Variants in FBXW7 observed in about 807,000 individuals in gnomAD.
FBXW7 encodes F-box/WD repeat-containing protein 7.
A neutral mutation model predicts 86.3 loss-of-function variants in FBXW7; 11 were observed. The ratio of observed to expected loss-of-function variants is 0.13; its 90% CI spans 0.08 to 0.21. FBXW7 has a LOEUF of 0.21. Ranked by LOEUF, FBXW7 falls within the 10% of genes least tolerant of loss-of-function variation. The probability of loss-of-function intolerance (pLI) is 1.00; values close to 1 mark genes in which losing one functional copy is unlikely to be tolerated. For synonymous variants in FBXW7, 313 were observed against 297.9 expected (o/e 1.05, Z -0.52); for missense variants, 488 against 847.4 (o/e 0.58, Z 5.27).
intron 2 of FBXW7, among the ~76,000 whole-genome samples, chr4:152,448,004 T>C (rs934537400): frequency 6.6e-6 from 1 of 152,172 alleles, no homozygotes; most frequent in African/African-American, 2.4e-5. Context: ...TGAAATAATA[T>C]ATAATCTCTA....
intron 2 of FBXW7, among the ~76,000 whole-genome samples, chr4:152,487,773 T>C (rs1387418298): frequency 1.3e-5 from 2 of 152,068 alleles, no homozygotes; most frequent in Non-Finnish European, 2.9e-5. Flanking sequence ...TGAAGTATCA[T>C]TTAAAATTGT....
At position 152,486,067 on chromosome 4, in the gene FBXW7, G is replaced by A. The variant is rs141276718; in HGVS notation, c.-120+48874C>T. 4.7e-4 allele frequency among the ~76,000 whole-genome samples: 71 copies of A among 152,154 alleles called. No homozygotes were observed. In the East Asian group the frequency reaches 0.012, roughly 26 times the overall value. ...TACTGCCTGGTAACTGTAACATGGT[G>A]CGTCTGAGAATATCTAGACATAGAA... On this transcript the variant is annotated intron_variant, in intron 2 of 13. Transcript: ENST00000281708.
intron 2 of FBXW7, among the ~76,000 whole-genome samples, chr4:152,471,458 AG>A (rs1177567399): frequency 1.9e-4 from 22 of 117,154 alleles, no homozygotes; most frequent in Non-Finnish European, 3.6e-4. Context: ...AGAAGGAAGG[AG>A]GGAAGGAAGG....
chr4:152,505,743 A>ATT (rs763132391), intron 2 of FBXW7, among the ~76,000 whole-genome samples: 10,275 of 141,988 alleles, frequency 0.072, 441 homozygotes, highest in Non-Finnish European at 0.1. Flanking sequence ...CTGTTTTGCA[A>ATT]TTTTTTTTTT....
chr4:152,499,071 T>C (rs1746657142), intron 2 of FBXW7, among the ~76,000 whole-genome samples: 1 of 152,116 alleles, frequency 6.6e-6, no homozygotes, highest in South Asian at 2.1e-4. Context: ...AACTGAAGAA[T>C]CCACTTGGAG....
intron 4 of FBXW7, among the ~76,000 whole-genome samples, chr4:152,381,727 GA>G (rs1306748232): frequency 6.6e-6 from 1 of 151,982 alleles, no homozygotes; most frequent in Admixed American, 6.6e-5. Flanking sequence ...TATTAAGTTT[GA>G]ATGTAAGGAA....
chr4:152,444,869 C>T (rs1009524087), intron 2 of FBXW7, among the ~76,000 whole-genome samples: 3 of 152,190 alleles, frequency 2.0e-5, no homozygotes, highest in Non-Finnish European at 4.4e-5. Context: ...TCTCACTCTG[C>T]TGTCCAGGCT....
At chr4:152,521,131 G>C (rs1748976053) in intron 2 of FBXW7, among the ~76,000 whole-genome samples, 1 of 152,110 alleles carries the variant, frequency 6.6e-6, no homozygotes, top group South Asian at 2.1e-4. Flanking sequence ...TGGGGGAGCA[G>C]GTGTTGACTA....
At chr4:152,352,961 C>T in intron 4 of FBXW7, 2 of 1,386,806 alleles carry the variant, frequency 1.4e-6, no homozygotes, top group Non-Finnish European at 1.9e-6. Context: ...CCCGTAAGAA[C>T]ACAACGCACT....
chr4:152,477,754 T>C (rs1305665171), intron 2 of FBXW7, among the ~76,000 whole-genome samples: 1 of 152,150 alleles, frequency 6.6e-6, no homozygotes, highest in Admixed American at 6.6e-5. Context: ...CTAGGAAACA[T>C]GACACCTTTT....
chr4:152,465,570 C>G (rs532204014), intron 2 of FBXW7, among the ~76,000 whole-genome samples: 1 of 152,012 alleles, frequency 6.6e-6, no homozygotes, highest in South Asian at 2.1e-4. Context: ...TCTGGCCAGG[C>G]GCGGTGGCTC....
At chr4:152,493,395 C>T (rs532377385) in intron 2 of FBXW7, among the ~76,000 whole-genome samples, 53 of 152,216 alleles carry the variant, frequency 3.5e-4, no homozygotes, top group African/African-American at 1.3e-3. Flanking sequence ...GAACTCCTGA[C>T]CTCAGGTGAT....
chr4:152,346,849 CTTCT>C, intron 6 of FBXW7, 77 bp downstream of exon 6: 2 of 1,564,120 alleles, frequency 1.3e-6, no homozygotes, highest in Non-Finnish European at 1.7e-6. Flanking sequence ...ACAGTGTTTC[CTTCT>C]TTTTTTACGG....
chr4:152,338,157 T>G, intron 6 of FBXW7: 1 of 354,768 alleles, frequency 2.8e-6, no homozygotes, highest in Non-Finnish European at 5.0e-6. Flanking sequence ...AAAAAAAACA[T>G]GTTTGACAGA....
At chr4:152,338,126 C>A (rs1328222688) in intron 6 of FBXW7, 190 bp from the exon 7 acceptor site, 4 of 394,158 alleles carry the variant, frequency 1.0e-5, no homozygotes, top group Admixed American at 4.3e-5. Flanking sequence ...TTACCAACAA[C>A]TTTTATTTCG....
At chr4:152,368,143 A>G (rs1016827414) in intron 4 of FBXW7, among the ~76,000 whole-genome samples, 1 of 151,996 alleles carries the variant, frequency 6.6e-6, no homozygotes, top group Non-Finnish European at 1.5e-5. Flanking sequence ...ATCTGCCAGC[A>G]CCCCATCTGC....
At chr4:152,529,964 G>A (rs1275835139) in intron 2 of FBXW7, among the ~76,000 whole-genome samples, 2 of 151,366 alleles carry the variant, frequency 1.3e-5, no homozygotes, top group African/African-American at 4.9e-5. Flanking sequence ...GCTGAGGTAG[G>A]AGGATGACTT....
rs1194195957 is a variant in FBXW7, at chr4:152,421,489, G to A, written c.-119-8960C>T. Among the ~76,000 whole-genome samples, 4 of 152,068 alleles carry A rather than the reference G, an allele frequency of 2.6e-5. No homozygotes were observed. The East Asian group carries it at 7.7e-4, about 29-fold the overall frequency. On this transcript the variant is annotated intron_variant, in intron 2 of 13. Transcript: ENST00000281708. ...GAGGTGGGAGGACTGCTTGAGGTCAGGAGTTCAAGAACAGCCTGATCAACA... is the reference window on the plus strand; with the variant it reads ...GAGGTGGGAGGACTGCTTGAGGTCAAGAGTTCAAGAACAGCCTGATCAACA...
chr4:152,346,757 G>T, intron 6 of FBXW7, 173 bp downstream of exon 6: 1 of 780,586 alleles, frequency 1.3e-6, no homozygotes, highest in South Asian at 2.0e-5. Context: ...TTCATATAAA[G>T]AGAATCAACA....
Sources: allele counts gnomAD v4.1 joint callset (sites outside exome capture counted in the v4.1 genomes callset), GRCh38; gene constraint gnomAD v4.1.1; transcripts MANE v1.5; gene names NCBI Gene and HGNC (gene_info 2026-07-23, HGNC 2026-07-21).